NDEL1: variants seen among roughly 807,000 people sequenced by gnomAD.
NDEL1 encodes nudE neurodevelopment protein 1 like 1.
NDEL1 carries 9 observed loss-of-function variants against 45.7 expected under a neutral mutation model. That is an observed-to-expected ratio of 0.20 (90% confidence interval 0.12 to 0.34). NDEL1 has a LOEUF of 0.34. Ranked by LOEUF, NDEL1 falls within the 10% of genes least tolerant of loss-of-function variation. The pLI is 1.00. For missense variants in NDEL1, 306 were observed against 406.2 expected (o/e 0.75, Z 2.12); for synonymous variants, 133 against 158.6 (o/e 0.84, Z 1.21).
At chr17:8,419,976 A>G (rs985807415) in intron 1 of NDEL1, among the ~76,000 whole-genome samples, 2 of 152,204 alleles carry the variant, frequency 1.3e-5, no homozygotes, top group Non-Finnish European at 2.9e-5. Context: ...GAAAAATCCA[A>G]AGACACAGAC....
intron 1 of NDEL1, among the ~76,000 whole-genome samples, chr17:8,424,594 C>T (rs920715695): frequency 3.9e-5 from 6 of 152,200 alleles, no homozygotes; most frequent in African/African-American, 9.6e-5. Context: ...CACCGCCTCC[C>T]GGGTTCACGC....
chr17:8,462,434 T>C (rs947093659), intron 8 of NDEL1, among the ~76,000 whole-genome samples: 10 of 152,210 alleles, frequency 6.6e-5, no homozygotes, highest in Admixed American at 3.9e-4. Flanking sequence ...TTCTTGCCGC[T>C]TTGCTTCGAT....
At chr17:8,428,620 C>T (rs912555889) in intron 1 of NDEL1, among the ~76,000 whole-genome samples, 1 of 151,936 alleles carries the variant, frequency 6.6e-6, no homozygotes, top group Non-Finnish European at 1.5e-5. Flanking sequence ...ACCCTGGCCT[C>T]CCAAAGTGCT....
upstream of NDEL1, among the ~76,000 whole-genome samples, chr17:8,435,083 A>G (rs568779376): frequency 1.2e-3 from 188 of 152,004 alleles, 2 homozygotes; most frequent in African/African-American, 4.1e-3. Flanking sequence ...AAACAAACAA[A>G]CAAACAAACA....
At chr17:8,425,716 T>TAA (rs527827714) in intron 1 of NDEL1, among the ~76,000 whole-genome samples, 6 of 152,102 alleles carry the variant, frequency 3.9e-5, no homozygotes, top group Non-Finnish European at 8.8e-5. Flanking sequence ...TGTAAAATAT[T>TAA]AAAAAAACCT....
At chr17:8,435,053 A>G (rs915026899), upstream of NDEL1, among the ~76,000 whole-genome samples, 3 of 151,728 alleles carry the variant, frequency 2.0e-5, no homozygotes, top group African/African-American at 2.4e-5. Context: ...CTGGGCAACA[A>G]GAGCGAAACT....
intron 8 of NDEL1, 69 bp downstream of exon 8, chr17:8,460,229 T>G: frequency 6.6e-7 from 1 of 1,511,284 alleles, no homozygotes; most frequent in Non-Finnish European, 8.9e-7. Flanking sequence ...GTGAGCATAA[T>G]GAAGCCTTGA....
intron 8 of NDEL1, chr17:8,461,325 C>T (rs957201021): frequency 6.6e-6 from 1 of 152,202 alleles, no homozygotes; most frequent in Non-Finnish European, 1.5e-5. Context: ...GGAGAATATA[C>T]ATTTCATTAA....
intron 2 of NDEL1, chr17:8,445,150 T>C (rs1810806287): frequency 6.6e-6 from 1 of 152,152 alleles, no homozygotes; most frequent in South Asian, 2.1e-4. Context: ...CATAGAATAA[T>C]AGAATTACAA....
At chr17:8,428,953 A>ATG (rs1908935125) in intron 1 of NDEL1, among the ~76,000 whole-genome samples, 1 of 152,062 alleles carries the variant, frequency 6.6e-6, no homozygotes, top group Non-Finnish European at 1.5e-5. Flanking sequence ...GATTACAGGC[A>ATG]TGAGCCACCG....
At chr17:8,448,804 C>A in intron 5 of NDEL1, 118 bp downstream of exon 5, 1 of 1,063,868 alleles carries the variant, frequency 9.4e-7, no homozygotes, top group Non-Finnish European at 1.3e-6. Context: ...ATACAGTATT[C>A]ACGGCATTCA....
chr17:8,461,851 A>G (rs780106420), intron 8 of NDEL1, among the ~76,000 whole-genome samples: 14 of 152,262 alleles, frequency 9.2e-5, no homozygotes, highest in South Asian at 8.3e-4. Flanking sequence ...GATGGGCCGC[A>G]GGTGCCTTTC....
intron 1 of NDEL1, among the ~76,000 whole-genome samples, chr17:8,417,958 T>A (rs1430592353): frequency 6.6e-6 from 1 of 152,206 alleles, no homozygotes; most frequent in Admixed American, 6.5e-5. Context: ...TGTAAACACA[T>A]CATATGTTTC....
At chr17:8,449,064 A>G (rs1383112161) in intron 5 of NDEL1, among the ~76,000 whole-genome samples, 1 of 152,166 alleles carries the variant, frequency 6.6e-6, no homozygotes, top group Non-Finnish European at 1.5e-5. Flanking sequence ...CTCACTGCAA[A>G]TTCCGCCTCC....
chr17:8,425,387 G>T (rs1158826996), intron 1 of NDEL1, among the ~76,000 whole-genome samples: 1 of 152,218 alleles, frequency 6.6e-6, no homozygotes, highest in Non-Finnish European at 1.5e-5. Flanking sequence ...TTTGAGACCA[G>T]CCTGGGCAAC....
intron 1 of NDEL1, among the ~76,000 whole-genome samples, chr17:8,420,278 G>C (rs924976550): frequency 1.3e-5 from 2 of 152,164 alleles, no homozygotes; most frequent in Non-Finnish European, 1.5e-5. Flanking sequence ...GCACTTACGA[G>C]AGTTAAGTTC....
At chr17:8,420,819 C>T (rs1203622041) in intron 1 of NDEL1, among the ~76,000 whole-genome samples, 4 of 152,210 alleles carry the variant, frequency 2.6e-5, no homozygotes, top group Non-Finnish European at 4.4e-5. Context: ...GAAAAGCTGA[C>T]GTACTTTGAA....
At chr17:8,440,638 A>G (rs992169363) in intron 1 of NDEL1, among the ~76,000 whole-genome samples, 1 of 152,234 alleles carries the variant, frequency 6.6e-6, no homozygotes, top group Admixed American at 6.5e-5. Flanking sequence ...AAAAAGTTTC[A>G]TGCAAAAGGC....
Position 8,436,388 on chromosome 17 carries a change from C to T in NDEL1, c.-13+343C>T, listed in dbSNP as rs75965177. 4.9e-3 allele frequency: 760 copies of T among 155,210 alleles called. 44 individuals carry two copies. The East Asian group carries it at 0.13, about 26-fold the overall frequency. The allele number at this position is 155,210 out of a possible 1,614,324, so 9.6% of individuals were successfully genotyped here. A position where few individuals can be genotyped will look rare whatever the true frequency, so the allele number is the denominator to read the frequency against. The stretch of plus-strand genomic sequence containing the variant: ...GGGCGCTGGCGGCGCAAGGAGTGGC[C>T]CAGTCGGAGGTGGCAGCGGCGCGCC... On this transcript the variant is annotated intron_variant, in intron 1 of 8. Coordinates refer to ENST00000334527, the MANE Select transcript of NDEL1 (RefSeq NM_030808.5).
Sources: allele counts gnomAD v4.1 joint callset (sites outside exome capture counted in the v4.1 genomes callset), GRCh38; gene constraint gnomAD v4.1.1; transcripts MANE v1.5; gene names NCBI Gene and HGNC (gene_info 2026-07-23, HGNC 2026-07-21).